The following RABGEF1 variants were observed in gnomAD, a reference collection of about 807,000 sequenced individuals.
RABGEF1 encodes RAB guanine nucleotide exchange factor 1.
In RABGEF1, 26 loss-of-function variants were observed where a neutral mutation model predicts 57.3. That is an observed-to-expected ratio of 0.45 (90% CI 0.33 to 0.63). RABGEF1 has a LOEUF of 0.63. Among genes scored for constraint, RABGEF1 ranks in the 20% least tolerant of loss-of-function variants. The pLI is 0.02. For synonymous variants in RABGEF1, 185 were observed against 210.7 expected (o/e 0.88, Z 1.06); for missense variants, 464 against 607.6 (o/e 0.76, Z 2.48).
intron 2 of RABGEF1, among the ~76,000 whole-genome samples, chr7:66,732,518 G>A (rs141202411): frequency 6.6e-6 from 1 of 152,212 alleles, no homozygotes; most frequent in Non-Finnish European, 1.5e-5. Context: ...CCCACTGGGT[G>A]TCCCCAGTCA....
chr7:66,789,640 G>A (rs541887985), intron 4 of RABGEF1, among the ~76,000 whole-genome samples: 8 of 119,924 alleles, frequency 6.7e-5, no homozygotes, highest in East Asian at 2.6e-4. Context: ...CCTAGATCAC[G>A]CCACTGCACT....
In RABGEF1 at chr7:66,698,496, C is replaced by T. The variant is rs1329546102; in HGVS notation, c.-872-13671C>T. 4.6e-5 allele frequency among the ~76,000 whole-genome samples: 7 copies of T among 152,188 alleles called. No individual in the cohort carries two copies. The East Asian group carries it at 9.6e-4, about 21-fold the overall frequency. On this transcript the variant is annotated intron_variant and NMD_transcript_variant, in intron 1 of 9. Coordinates refer to the RABGEF1 transcript ENST00000607882. The stretch of plus-strand genomic sequence containing the variant: ...TTTCTAGGTCAGGCGCAAACAGTTC[C>T]TTGGTTTGGAGCAGGAGCCCGGGTC...
the RABGEF1 span, among the ~76,000 whole-genome samples, chr7:66,662,870 C>T: frequency 3.1e-4 from 46 of 149,560 alleles, no homozygotes; most frequent in African/African-American, 1.0e-3. Context: ...TATGTACAGA[C>T]GTGTGTACAG....
At chr7:66,737,493 C>T (rs568799204), upstream of RABGEF1, among the ~76,000 whole-genome samples, 87 of 152,008 alleles carry the variant, frequency 5.7e-4, no homozygotes, top group African/African-American at 2.0e-3. Flanking sequence ...ATCCGGATTT[C>T]GGGGCTCAGC....
intron 1 of RABGEF1, among the ~76,000 whole-genome samples, chr7:66,742,483 G>A (rs1436714288): frequency 6.6e-6 from 1 of 152,174 alleles, no homozygotes. Flanking sequence ...TGTGGAGCCT[G>A]GAAGGGATCA....
intron 1 of RABGEF1, among the ~76,000 whole-genome samples, chr7:66,710,689 G>A (rs1794664109): frequency 6.6e-6 from 1 of 152,302 alleles, no homozygotes; most frequent in East Asian, 1.9e-4. Context: ...TTGGAGAAAT[G>A]TCTGTTTAAT....
rs186691202 is a variant in RABGEF1, at chr7:66,792,832, T to A, written c.514-2679T>A. On this transcript the variant is annotated intron_variant, in intron 4 of 8. Coordinates refer to ENST00000284957, the MANE Select transcript of RABGEF1 (RefSeq NM_014504.3). Reference sequence around the variant, plus strand: ...CCTTGTTCTAGGCATGAGGATATGGTGGTGAACAGTGCCCTTGTGGAGCTA... The same window carrying A: ...CCTTGTTCTAGGCATGAGGATATGGAGGTGAACAGTGCCCTTGTGGAGCTA... Among the ~76,000 whole-genome samples, 17 of 152,270 alleles carry A rather than the reference T, an allele frequency of 1.1e-4. No homozygotes were observed. The East Asian group carries it at 1.4e-3, about 12-fold the overall frequency.
chr7:66,779,166 T>C (rs941112916), intron 3 of RABGEF1, among the ~76,000 whole-genome samples: 4 of 151,992 alleles, frequency 2.6e-5, no homozygotes, highest in African/African-American at 9.6e-5. Context: ...AAATGAAGTA[T>C]AACTGATTGA....
At chr7:66,752,636 C>CA (rs1204841677) in intron 1 of RABGEF1, among the ~76,000 whole-genome samples, 1 of 152,142 alleles carries the variant, frequency 6.6e-6, no homozygotes, top group African/African-American at 2.4e-5. Context: ...TTCTTTATAG[C>CA]AGTGGTTCTC....
At chr7:66,735,808 G>A (rs1031775435), upstream of RABGEF1, among the ~76,000 whole-genome samples, 18 of 152,146 alleles carry the variant, frequency 1.2e-4, no homozygotes, top group Middle Eastern at 3.2e-3. Flanking sequence ...CTCCAGAAGC[G>A]TGAGCCAATT....
At chr7:66,748,536 G>A (rs932412030) in intron 1 of RABGEF1, among the ~76,000 whole-genome samples, 1 of 152,024 alleles carries the variant, frequency 6.6e-6, no homozygotes, top group Non-Finnish European at 1.5e-5. Flanking sequence ...GTCTGACAAG[G>A]GCACATATTT....
chr7:66,739,650 A>G (rs1798500557), upstream of RABGEF1, among the ~76,000 whole-genome samples: 1 of 102,870 alleles, frequency 9.7e-6, no homozygotes, highest in East Asian at 2.8e-4. Context: ...CGACAGAGTG[A>G]GAGTCTCAAA....
In RABGEF1 at chr7:66,731,148, G is replaced by C. The variant is rs75633402; in HGVS notation, c.-814-8848G>C. Among the ~76,000 whole-genome samples the C allele has an allele frequency of 2.9e-3, 437 of 152,312 alleles. 16 individuals are homozygous for C. The East Asian group carries it at 0.075, about 26-fold the overall frequency. On this transcript the variant is annotated intron_variant and NMD_transcript_variant, in intron 2 of 9. Transcript: ENST00000607882. The stretch of plus-strand genomic sequence containing the variant: ...CATGGCTGGGCCAGGTAAGGGGAAG[G>C]TTAGGCTCATGGCAGCAGAGTGGGG...
intron 1 of RABGEF1, among the ~76,000 whole-genome samples, chr7:66,763,949 G>T (rs1440670444): frequency 2.0e-5 from 3 of 152,064 alleles, no homozygotes; most frequent in Admixed American, 6.6e-5. Flanking sequence ...AAACATTCAC[G>T]TACAAGTTTC....
intron 1 of RABGEF1, among the ~76,000 whole-genome samples, chr7:66,757,055 T>G (rs1802898216): frequency 6.6e-6 from 1 of 152,180 alleles, no homozygotes; most frequent in African/African-American, 2.4e-5. Context: ...TGACATTCAT[T>G]TTGTTGAGTT....
upstream of RABGEF1, among the ~76,000 whole-genome samples, chr7:66,677,697 G>GA (rs950055378): frequency 6.8e-6 from 1 of 146,538 alleles, no homozygotes; most frequent in African/African-American, 2.5e-5. Flanking sequence ...GGGAGGGGGA[G>GA]AATGCAGTGA....
At chr7:66,745,225 T>A (rs984574962) in intron 1 of RABGEF1, among the ~76,000 whole-genome samples, 3 of 152,084 alleles carry the variant, frequency 2.0e-5, no homozygotes, top group Admixed American at 2.0e-4. Flanking sequence ...TACTTACTCA[T>A]TGTGATGTCT....
intron 7 of RABGEF1, among the ~76,000 whole-genome samples, chr7:66,800,245 A>T (rs1350593135): frequency 6.6e-6 from 1 of 152,030 alleles, no homozygotes; most frequent in Non-Finnish European, 1.5e-5. Context: ...GAAGAAATGG[A>T]GGTTTGCTTA....
At chr7:66,774,799 C>T (rs2129121763) in intron 2 of RABGEF1, among the ~76,000 whole-genome samples, 1 of 152,294 alleles carries the variant, frequency 6.6e-6, no homozygotes, top group South Asian at 2.1e-4. Flanking sequence ...TCCTTTAAGA[C>T]CTCACCCAAA....
Sources: gnomAD v4.1 joint callset for allele counts (sites outside exome capture counted in the v4.1 genomes callset) on GRCh38, gnomAD v4.1.1 for gene constraint, MANE v1.5 for transcripts, NCBI Gene and HGNC (gene_info 2026-07-23, HGNC 2026-07-21) for gene names.